The following DNAH17 variants were observed in gnomAD, a reference collection of about 807,000 sequenced individuals.
The protein encoded by DNAH17 is axonemal beta dynein heavy chain 17.
DNAH17 carries 376 observed loss-of-function variants against 485.6 expected under a neutral mutation model. The observed-to-expected ratio is 0.77, with a 90% CI of 0.71 to 0.84. DNAH17 has a LOEUF of 0.84. Among genes scored for constraint, DNAH17 ranks in the 40% least tolerant of loss-of-function variants. DNAH17 has a pLI of 0.00. For synonymous variants in DNAH17, 3,031 were observed against 2,405.9 expected (o/e 1.26, Z -7.60); for missense variants, 6,370 against 5,839.3 (o/e 1.09, Z -2.96).
At chr17:78,426,746 C>G (rs776421801) in intron 78 of DNAH17, 146 bp from the exon 79 acceptor site, 11 of 1,323,750 alleles carry the variant, frequency 8.3e-6, no homozygotes, top group African/African-American at 1.5e-5. Flanking sequence ...GCAAGCGCTT[C>G]CTGCTAAGGA....
chr17:78,510,352 G>A lies in DNAH17; in HGVS notation c.4236+32C>T, dbSNP rs776556148. ...GGGGGCAGTTTCAGGCTGATCCCAC[G>A]TTGCACAGACAGCACCGCCAGCACG... is the stretch of plus-strand genomic sequence containing the variant. On this transcript the variant is annotated intron_variant, in intron 27 of 80. Coordinates refer to ENST00000389840, the MANE Select transcript of DNAH17 (RefSeq NM_173628.4). The A allele has an allele frequency of 1.7e-5, 27 of 1,607,922 alleles. No individual in the cohort carries two copies. The South Asian group carries it at 1.9e-4, about 11-fold the overall frequency.
intron 25 of DNAH17, among the ~76,000 whole-genome samples, chr17:78,520,525 C>T (rs1412368002): frequency 6.6e-6 from 1 of 152,124 alleles, no homozygotes; most frequent in East Asian, 1.9e-4. Context: ...AGCAAGGCCA[C>T]AAGAGAAAAA....
chr17:78,551,584 C>T lies in DNAH17; in HGVS notation c.2342G>A (p.Arg781Lys), dbSNP rs375904946. 8 of 1,614,040 alleles carry T rather than the reference C, an allele frequency of 5.0e-6. No homozygotes were observed. The highest frequency in any genetic ancestry group is 6.8e-6 in the Non-Finnish European group (8 of 1,179,892). The change falls in exon 16 of 81, where the codon AGG (arginine) becomes AAG (lysine). Residue 781 changes from arginine to lysine, a missense_variant. Arg to Lys is a conservative substitution (Grantham distance 26). Coordinates refer to ENST00000389840, the MANE Select transcript of DNAH17 (RefSeq NM_173628.4). ...VREILHNLQN[R>K]MQKAKQNIEG... The stretch of plus-strand genomic sequence containing the variant: ...TATATTTTGTTTTGCCTTTTGCATC[C>T]TGTTCTGCAAGTTGTGCAGAATTTC...
chr17:78,428,141 C>T (rs1158526939), intron 77 of DNAH17, among the ~76,000 whole-genome samples: 5 of 152,282 alleles, frequency 3.3e-5, no homozygotes, highest in South Asian at 2.1e-4. Flanking sequence ...CCTGCACATC[C>T]GGCTGCCCGG....
Position 78,505,457 on chromosome 17 carries a change from C to T in DNAH17, c.4804-12G>A, listed in dbSNP as rs530933394. The T allele has an allele frequency of 4.3e-6, 7 of 1,613,864 alleles. No homozygotes were observed. The African/African-American group carries it at 8.0e-5, about 18-fold the overall frequency. On this transcript the variant is annotated splice_polypyrimidine_tract_variant and intron_variant, in intron 30 of 80. Coordinates refer to ENST00000389840, the MANE Select transcript of DNAH17 (RefSeq NM_173628.4). ...AGGTGGCGGCTCACCTGGGAGGAGG[C>T]AAGAAGCGGGAATTATGCAACGGGG...
rs2087489180 is a variant in DNAH17 at position 78,450,250 on chromosome 17, G to GCA, written c.11040+2_11040+3dup. ...AGGCACCCAGCCCCAGCTGCAGGGCGCACCTTGAGGGAGAACTGGTAGACG... is the reference window on the plus strand; with the variant it reads ...AGGCACCCAGCCCCAGCTGCAGGGCGCACACCTTGAGGGAGAACTGGTAGACG... On this transcript the variant is annotated splice_donor_region_variant and intron_variant, in intron 68 of 80. Transcript: ENST00000389840. 1 of 1,613,422 alleles carries GCA rather than the reference G, an allele frequency of 6.2e-7. No individual in the cohort carries two copies. Among genetic ancestry groups the GCA allele is most frequent in the Admixed American group, 1.7e-5 (1 of 59,986 alleles).
chr17:78,499,292 C>T (rs898372270), intron 36 of DNAH17, 180 bp from the exon 37 acceptor site: 9 of 449,118 alleles, frequency 2.0e-5, no homozygotes, highest in African/African-American at 6.1e-5. Flanking sequence ...AGGGTAACAC[C>T]GTGGAGGGCT....
At chr17:78,524,524 G>A (rs1427210794) in intron 25 of DNAH17, among the ~76,000 whole-genome samples, 30 of 152,094 alleles carry the variant, frequency 2.0e-4, no homozygotes, top group Admixed American at 2.0e-3. Flanking sequence ...GCAGTGAGAG[G>A]GGACTGTCTA....
chr17:78,535,846 A>C (rs2091359850), intron 19 of DNAH17, among the ~76,000 whole-genome samples: 1 of 152,120 alleles, frequency 6.6e-6, no homozygotes, highest in Non-Finnish European at 1.5e-5. Flanking sequence ...AATTCACAGA[A>C]TCTGGGTTTG....
Position 78,434,634 on chromosome 17 carries a change from G to T in DNAH17, c.12034-414C>A, listed in dbSNP as rs558935064. Among the ~76,000 whole-genome samples the T allele has an allele frequency of 4.4e-4, 67 of 150,564 alleles. No homozygotes were observed. The South Asian group carries it at 0.014, about 31-fold the overall frequency. ...ACTGGTAAAGTTCCATCAGGATGGG[G>T]GATGGGATAGAGGATGGGGGATGGG... On this transcript the variant is annotated intron_variant, in intron 74 of 80. Transcript: ENST00000389840.
At chr17:78,430,937 G>A (rs985870853) in intron 75 of DNAH17, among the ~76,000 whole-genome samples, 3 of 152,142 alleles carry the variant, frequency 2.0e-5, no homozygotes, top group Non-Finnish European at 2.9e-5. Context: ...CTGGAGTGCA[G>A]TGGTACAAAC....
At chr17:78,443,994 C>T (rs957042551) in intron 71 of DNAH17, among the ~76,000 whole-genome samples, 1 of 152,236 alleles carries the variant, frequency 6.6e-6, no homozygotes, top group Non-Finnish European at 1.5e-5. Context: ...CACCTCCTTC[C>T]TTCAACAGCC....
Position 78,530,915 on chromosome 17 carries a change from CATGGGT to C in DNAH17, c.3115-409_3115-404del, listed in dbSNP as rs1244238837. 7.9e-5 allele frequency among the ~76,000 whole-genome samples: 12 copies of C among 152,342 alleles called. No homozygotes were observed. The East Asian group carries it at 2.3e-3, about 29-fold the overall frequency. ...CTGTGCTACAGAATGTACCCCTGGG[CATGGGT>C]CACCCTTGCCCACGGGGCCCTCTTT... is the stretch of plus-strand genomic sequence containing the variant. On this transcript the variant is annotated intron_variant, in intron 20 of 80. Transcript: ENST00000389840.
At chr17:78,485,852 T>C in intron 46 of DNAH17, 95 bp from the exon 47 acceptor site, 1 of 1,571,730 alleles carries the variant, frequency 6.4e-7, no homozygotes, top group Non-Finnish European at 8.7e-7. Flanking sequence ...CAGGTCCTAA[T>C]GTTGAAAATC....
chr17:78,523,946 G>T (rs1284132495), intron 25 of DNAH17, among the ~76,000 whole-genome samples: 1 of 152,144 alleles, frequency 6.6e-6, no homozygotes, highest in Non-Finnish European at 1.5e-5. Context: ...AAGAAAATAT[G>T]CTGGCATCGT....
intron 65 of DNAH17, 105 bp from the exon 66 acceptor site, chr17:78,451,778 T>G: frequency 1.1e-6 from 1 of 940,916 alleles, no homozygotes; most frequent in South Asian, 1.7e-5. Flanking sequence ...GGCCGCCACC[T>G]TGAACCCTCC....
intron 37 of DNAH17, among the ~76,000 whole-genome samples, chr17:78,498,521 G>A (rs1598590493): frequency 6.6e-6 from 1 of 152,202 alleles, no homozygotes; most frequent in Admixed American, 6.5e-5. Flanking sequence ...GCTGGCCCAG[G>A]CTGCTCCCCA....
rs1568276294 is a variant in DNAH17 at position 78,572,634 on chromosome 17, G to GTGGGGTGGT, written c.539+66_539+67insACCACCCCA. The GTGGGGTGGT allele has an allele frequency of 6.6e-5, 90 of 1,362,214 alleles. 1 individual carries two copies. Among genetic ancestry groups the GTGGGGTGGT allele is most frequent in the Non-Finnish European group, 8.1e-5 (82 of 1,012,408 alleles). 84.4% of individuals were successfully genotyped at this position (1,362,214 alleles called of 1,614,324 possible). ...GTCGGAGTGGGGTGGAGTGGGGTGG[G>GTGGGGTGGT]GGGTGGGGGTCAAGCATGTGCCTCT... On this transcript the variant is annotated intron_variant, in intron 3 of 80. Coordinates refer to ENST00000389840, the MANE Select transcript of DNAH17 (RefSeq NM_173628.4).
Position 78,433,915 on chromosome 17 carries a change from G to GGGAGGGAAGGAA in DNAH17, c.12225+102_12225+113dup, listed in dbSNP as rs1197349855. On this transcript the variant is annotated intron_variant, in intron 75 of 80. Transcript: ENST00000389840. The stretch of plus-strand genomic sequence containing the variant: ...GCCTAAGACAAAGACCAAAAGGAAA[G>GGGAGGGAAGGAA]GGAGGGAAGGAAGGAGGGAGGGAAG... 806 of 505,798 alleles carry GGGAGGGAAGGAA rather than the reference G, an allele frequency of 1.6e-3. 3 individuals are homozygous for GGGAGGGAAGGAA. The highest frequency in any genetic ancestry group is 4.2e-3 in the African/African-American group (158 of 37,722). 31.3% of individuals were successfully genotyped at this position (505,798 alleles called of 1,614,324 possible).
Sources: allele counts gnomAD v4.1 joint callset (sites outside exome capture counted in the v4.1 genomes callset), GRCh38; gene constraint gnomAD v4.1.1; transcripts MANE v1.5; gene names NCBI Gene and HGNC (gene_info 2026-07-23, HGNC 2026-07-21).